The following PDE1A variants were observed in gnomAD, a reference collection of about 807,000 sequenced individuals.
The protein encoded by PDE1A is dual specificity calcium/calmodulin-dependent 3',5'-cyclic nucleotide phosphodiesterase 1A.
A neutral mutation model predicts 61.7 loss-of-function variants in PDE1A; 35 were observed. That is an observed-to-expected ratio of 0.57 (90% CI 0.43 to 0.75). The LOEUF (loss-of-function observed/expected upper bound fraction) is 0.75. Ranked by LOEUF, PDE1A falls within the 30% of genes least tolerant of loss-of-function variation. The pLI, the probability that PDE1A is intolerant of heterozygous loss-of-function variation, is 0.00. For synonymous variants in PDE1A, 232 were observed against 213.2 expected (o/e 1.09, Z -0.77); for missense variants, 597 against 630.6 (o/e 0.95, Z 0.57).
chr2:182,283,261 A>G (rs1693935201), intron 1 of PDE1A, among the ~76,000 whole-genome samples: 1 of 152,058 alleles, frequency 6.6e-6, no homozygotes, highest in Non-Finnish European at 1.5e-5. Context: ...CCTATATGTT[A>G]TGATAAAGTG....
the PDE1A span, among the ~76,000 whole-genome samples, chr2:182,678,524 A>T: frequency 6.6e-6 from 1 of 152,158 alleles, no homozygotes; most frequent in African/African-American, 2.4e-5. Context: ...TAAAAATCAT[A>T]TTATATGGTA....
chr2:182,299,138 A>G (rs779993079), intron 1 of PDE1A, among the ~76,000 whole-genome samples: 5 of 152,018 alleles, frequency 3.3e-5, no homozygotes, highest in Non-Finnish European at 7.4e-5. Context: ...GGAAAAATAC[A>G]TATTTTAAGG....
At chr2:182,448,789 T>TACA (rs1178859867) in intron 2 of PDE1A, among the ~76,000 whole-genome samples, 15 of 152,160 alleles carry the variant, frequency 9.9e-5, no homozygotes, top group African/African-American at 2.9e-4. Flanking sequence ...TGTCTTAATC[T>TACA]ACTGTGATTC....
intron 1 of PDE1A, among the ~76,000 whole-genome samples, chr2:182,370,335 T>C (rs192525734): frequency 1.5e-4 from 23 of 152,326 alleles, no homozygotes; most frequent in Admixed American, 4.6e-4. Flanking sequence ...TGGACTCTAG[T>C]TCCTTGAAAG....
chr2:182,538,461 T>C, the PDE1A span, among the ~76,000 whole-genome samples: 2 of 152,214 alleles, frequency 1.3e-5, no homozygotes, highest in African/African-American at 4.8e-5. Context: ...GATATTGGCA[T>C]GCACCATTAA....
chr2:182,557,168 C>A, the PDE1A span, among the ~76,000 whole-genome samples: 1 of 152,100 alleles, frequency 6.6e-6, no homozygotes, highest in Non-Finnish European at 1.5e-5. Context: ...ATCACTTGAT[C>A]CCAAGTGGTG....
chr2:182,455,902 A>G lies in PDE1A; in HGVS notation c.101+66374T>C, dbSNP rs575120154. On this transcript the variant is annotated intron_variant, in intron 2 of 14. Coordinates refer to the PDE1A transcript ENST00000410103. The stretch of plus-strand genomic sequence containing the variant: ...GCACATGTACCCTAAAACTTAAAGT[A>G]TAATAATAATAAACAGGTTAAGAGA... Among the ~76,000 whole-genome samples the G allele has an allele frequency of 2.0e-5, 3 of 147,470 alleles. No individual in the cohort carries two copies. The Admixed American group carries it at 2.1e-4, about 10-fold the overall frequency.
chr2:182,408,519 C>T (rs1465979612), intron 1 of PDE1A, among the ~76,000 whole-genome samples: 2 of 152,178 alleles, frequency 1.3e-5, no homozygotes, highest in Non-Finnish European at 2.9e-5. Flanking sequence ...TGGCCCTGAC[C>T]TATCACCTGC....
chr2:182,442,161 T>G (rs1443588175), intron 2 of PDE1A, among the ~76,000 whole-genome samples: 1 of 152,138 alleles, frequency 6.6e-6, no homozygotes, highest in African/African-American at 2.4e-5. Context: ...GGATTAATTA[T>G]GTGCCTCCTG....
intron 10 of PDE1A, among the ~76,000 whole-genome samples, chr2:182,193,840 T>C (rs939240781): frequency 6.6e-6 from 1 of 152,192 alleles, no homozygotes; most frequent in African/African-American, 2.4e-5. Context: ...CATTTAAAGT[T>C]ATCTTGGCTC....
At chr2:182,493,640 G>A (rs1341121792) in intron 2 of PDE1A, among the ~76,000 whole-genome samples, 9 of 152,120 alleles carry the variant, frequency 5.9e-5, no homozygotes, top group African/African-American at 2.2e-4. Context: ...GTTTATTGCG[G>A]CATTATTCAC....
intron 2 of PDE1A, among the ~76,000 whole-genome samples, chr2:182,453,316 C>T (rs552047842): frequency 6.6e-6 from 1 of 152,032 alleles, no homozygotes; most frequent in South Asian, 2.1e-4. Context: ...CCACTTGATG[C>T]AGGCCATTTT....
chr2:182,211,377 T>A (rs1687583969), intron 7 of PDE1A, among the ~76,000 whole-genome samples: 1 of 152,206 alleles, frequency 6.6e-6, no homozygotes, highest in African/African-American at 2.4e-5. Context: ...TTGATCTATT[T>A]GTCTGTCCTT....
chr2:182,391,733 G>A (rs918877304), intron 1 of PDE1A, among the ~76,000 whole-genome samples: 9 of 152,172 alleles, frequency 5.9e-5, no homozygotes, highest in African/African-American at 1.9e-4. Flanking sequence ...GGTGGGTGTA[G>A]TTACCATAAT....
the PDE1A span, among the ~76,000 whole-genome samples, chr2:182,532,842 G>C: frequency 1.1e-4 from 16 of 150,120 alleles, no homozygotes; most frequent in Non-Finnish European, 2.4e-4. Flanking sequence ...CAGCTACTCG[G>C]GAGGCTGAGG....
chr2:182,151,508 C>T (rs1367543649), intron 13 of PDE1A, among the ~76,000 whole-genome samples: 1 of 152,160 alleles, frequency 6.6e-6, no homozygotes, highest in Non-Finnish European at 1.5e-5. Flanking sequence ...GGGGCTGGAT[C>T]CTCTGACAAA....
chr2:182,319,961 CTA>C (rs1314591797), intron 1 of PDE1A, among the ~76,000 whole-genome samples: 1 of 152,094 alleles, frequency 6.6e-6, no homozygotes, highest in Non-Finnish European at 1.5e-5. Context: ...GTAGCATAGA[CTA>C]TGTCAGTGGT....
At chr2:182,320,059 G>C (rs187610219) in intron 1 of PDE1A, among the ~76,000 whole-genome samples, 1 of 152,182 alleles carries the variant, frequency 6.6e-6, no homozygotes, top group Non-Finnish European at 1.5e-5. Context: ...TATAAAATAA[G>C]GGCCAACTGG....
At chr2:182,168,736 T>C (rs762044766) in intron 13 of PDE1A, among the ~76,000 whole-genome samples, 3 of 152,128 alleles carry the variant, frequency 2.0e-5, no homozygotes, top group Non-Finnish European at 4.4e-5. Context: ...TGATATTCTA[T>C]CTGTGATTTA....
Sources: gnomAD v4.1 joint callset for allele counts (sites outside exome capture counted in the v4.1 genomes callset) on GRCh38, gnomAD v4.1.1 for gene constraint, MANE v1.5 for transcripts, NCBI Gene and HGNC (gene_info 2026-07-23, HGNC 2026-07-21) for gene names.